MYOM2: variants seen among roughly 807,000 people sequenced by gnomAD.
MYOM2 encodes the protein myomesin-2.
Under a neutral mutation model 187.6 loss-of-function variants are expected in MYOM2, and 254 were observed. The ratio of observed to expected loss-of-function variants is 1.35; its 90% CI spans 1.22 to 1.50. MYOM2 has a LOEUF of 1.50. MYOM2 is among the 40% of genes most tolerant of loss of function. MYOM2 has a pLI of 0.00. For missense variants in MYOM2, 2,796 were observed against 1,924.0 expected, an observed-to-expected ratio of 1.45 and a Z score of -8.48; for synonymous variants, 981 against 753.8, an observed-to-expected ratio of 1.30 and a Z score of -4.94.
At chr8:2,058,547 G>A (rs1489820343) in intron 5 of MYOM2, among the ~76,000 whole-genome samples, 1 of 152,290 alleles carries the variant, frequency 6.6e-6, no homozygotes, top group Admixed American at 6.5e-5. Context: ...GACCCTTTTT[G>A]TATCAACATA....
chr8:2,106,138 G>C lies in MYOM2; in HGVS notation c.2735-104G>C, dbSNP rs564109491. On this transcript the variant is annotated intron_variant, in intron 21 of 36. Transcript: ENST00000262113. ...ACTTGGGGATTACAATTTGAGATGA[G>C]ATTTGGGTGTGGACGCGGAGCCAAA... 1.9e-5 allele frequency: 22 copies of C among 1,159,860 alleles called. No individual in the cohort carries two copies. The South Asian group carries it at 3.1e-4, about 16-fold the overall frequency. The allele number at this position is 1,159,860 out of a possible 1,614,324, so 71.8% of individuals were successfully genotyped here.
intron 3 of MYOM2, among the ~76,000 whole-genome samples, chr8:2,057,066 G>A (rs1201847366): frequency 6.6e-6 from 1 of 152,188 alleles, no homozygotes; most frequent in Non-Finnish European, 1.5e-5. Context: ...GTTGTGCACT[G>A]TCAGTGGTGA....
intron 32 of MYOM2, among the ~76,000 whole-genome samples, chr8:2,136,623 T>C (rs1468289246): frequency 6.7e-6 from 1 of 148,304 alleles, no homozygotes; most frequent in South Asian, 2.2e-4. Context: ...AGTGAAGCAA[T>C]TGTGTGCAGT....
chr8:2,085,325 G>A lies in MYOM2; in HGVS notation c.1579G>A (p.Val527Ile). 6.2e-7 allele frequency: 1 copy of A among 1,614,118 alleles called. No individual in the cohort carries two copies. The highest frequency in any genetic ancestry group is 2.2e-5 in the East Asian group (1 of 44,876). Residue 527 changes from valine (V) to isoleucine (I), a missense_variant, in exon 14 of 37, where the codon GTC becomes ATC. By Grantham distance (29) the Val-to-Ile change is conservative. Transcript: ENST00000262113. ...CGCTTCCGAGATCAGCAGAAACTATGTCGTCCTCAGCTGGGAGCCACCCAC... is the reference window on the plus strand; with the variant it reads ...CGCTTCCGAGATCAGCAGAAACTATATCGTCCTCAGCTGGGAGCCACCCAC... The part of the protein sequence containing the change: ...VHASEISRNY[V>I]VLSWEPPTPR...
chr8:2,057,538 A>G, intron 4 of MYOM2, 52 bp downstream of exon 4: 1 of 1,613,270 alleles, frequency 6.2e-7, no homozygotes, highest in Non-Finnish European at 8.5e-7. Context: ...ACTAGATCTT[A>G]GCTTGTCTGC....
intron 19 of MYOM2, among the ~76,000 whole-genome samples, chr8:2,099,919 C>A (rs949020726): frequency 1.3e-5 from 2 of 152,178 alleles, no homozygotes; most frequent in Admixed American, 1.3e-4. Flanking sequence ...TCCTTTTAGT[C>A]AGCGTCTTTT....
At chr8:2,132,282 G>A (rs1307095386) in intron 32 of MYOM2, among the ~76,000 whole-genome samples, 1 of 151,706 alleles carries the variant, frequency 6.6e-6, no homozygotes, top group East Asian at 1.9e-4. Flanking sequence ...AGTGCTATGA[G>A]AATTTTGTGA....
At chr8:2,058,278 C>G (rs1032798602) in intron 5 of MYOM2, among the ~76,000 whole-genome samples, 1 of 152,082 alleles carries the variant, frequency 6.6e-6, no homozygotes, top group Non-Finnish European at 1.5e-5. Context: ...CTCGGCCTCC[C>G]AAAGTCCTGG....
intron 31 of MYOM2, among the ~76,000 whole-genome samples, chr8:2,126,686 C>G (rs1323753817): frequency 2.2e-5 from 3 of 135,060 alleles, no homozygotes; most frequent in South Asian, 5.4e-4. Context: ...TGGGGGAGCA[C>G]TGAGGGAGGC....
At chr8:2,089,879 G>C in intron 14 of MYOM2, 129 bp from the exon 15 acceptor site, 2 of 690,172 alleles carry the variant, frequency 2.9e-6, no homozygotes, top group Non-Finnish European at 4.6e-6. Context: ...ACCATCCTTT[G>C]TGTGCGAGAC....
chr8:2,089,967 G>T (rs376029346), intron 14 of MYOM2, 41 bp from the exon 15 acceptor site: 4 of 1,603,446 alleles, frequency 2.5e-6, no homozygotes, highest in Non-Finnish European at 3.4e-6. Context: ...TGGGGACCTC[G>T]CGGTTTTCAC....
At position 2,106,348 on chromosome 8, in the gene MYOM2, C is replaced by T. The variant is rs146758026; in HGVS notation, c.2841C>T (p.Tyr947=). The T allele has an allele frequency of 2.6e-4, 413 of 1,614,114 alleles. 4 individuals carry two copies. The East Asian group carries it at 7.9e-3, about 31-fold the overall frequency. Residue 947 remains tyrosine, a synonymous_variant, in exon 22 of 37, where the codon TAC becomes TAT. Coordinates refer to ENST00000262113, the MANE Select transcript of MYOM2 (RefSeq NM_003970.4). ...CTCAGTTCACCTGGTGTAAATCCTACGAGGAGATTTCAGATGATGAGAGGT... is the reference window on the plus strand; with the variant it reads ...CTCAGTTCACCTGGTGTAAATCCTATGAGGAGATTTCAGATGATGAGAGGT... ...DASQFTWCKS[Y]EEISDDERFK...
At chr8:2,129,467 T>A (rs1332186510) in intron 32 of MYOM2, among the ~76,000 whole-genome samples, 1 of 152,150 alleles carries the variant, frequency 6.6e-6, no homozygotes. Flanking sequence ...CAGACAAATT[T>A]CTCTAGTGTC....
At chr8:2,068,171 C>A (rs1300474896) in intron 6 of MYOM2, among the ~76,000 whole-genome samples, 1 of 151,198 alleles carries the variant, frequency 6.6e-6, no homozygotes, top group Non-Finnish European at 1.5e-5. Context: ...CTCTTCAATG[C>A]CTGTGCACAC....
At chr8:2,096,197 A>C (rs774774080) in intron 17 of MYOM2, 50 bp from the exon 18 acceptor site, 3 of 1,565,564 alleles carry the variant, frequency 1.9e-6, no homozygotes, top group Non-Finnish European at 2.6e-6. Flanking sequence ...CCCGGGGACA[A>C]AGCCCCCAGC....
At chr8:2,083,677 G>A (rs1416463246) in intron 13 of MYOM2, among the ~76,000 whole-genome samples, 1 of 152,196 alleles carries the variant, frequency 6.6e-6, no homozygotes, top group African/African-American at 2.4e-5. Context: ...CCACCCCTGT[G>A]CTTCCCTCTC....
intron 1 of MYOM2, among the ~76,000 whole-genome samples, chr8:2,046,751 CT>C (rs574408692): frequency 0.021 from 2,980 of 139,452 alleles, 99 homozygotes; most frequent in African/African-American, 0.072. Flanking sequence ...TTTCTTTTTT[CT>C]TTTTTTTTTT....
At chr8:2,107,758 T>C (rs1210975860) in intron 23 of MYOM2, among the ~76,000 whole-genome samples, 1 of 152,212 alleles carries the variant, frequency 6.6e-6, no homozygotes, top group Non-Finnish European at 1.5e-5. Flanking sequence ...TAAAGCAGCC[T>C]CTGTTGGCCC....
rs1796992147 is a variant in MYOM2 at position 2,109,353 on chromosome 8, G to A, written c.3044-42G>A. ...ATTTGCAGGTATTCTTCCTCACAAG[G>A]ATTCATGCATTATTGACTTGCGATT... is the stretch of plus-strand genomic sequence containing the variant. On this transcript the variant is annotated intron_variant, in intron 24 of 36. Coordinates refer to ENST00000262113, the MANE Select transcript of MYOM2 (RefSeq NM_003970.4). The A allele has an allele frequency of 3.2e-6, 5 of 1,554,116 alleles. No individual in the cohort carries two copies. In the East Asian group the frequency reaches 1.2e-4, roughly 36 times the overall value.
Sources: allele counts gnomAD v4.1 joint callset (sites outside exome capture counted in the v4.1 genomes callset), GRCh38; gene constraint gnomAD v4.1.1; transcripts MANE v1.5; gene names NCBI Gene and HGNC (gene_info 2026-07-23, HGNC 2026-07-21).